ADGB: variants seen among roughly 807,000 people sequenced by gnomAD.
The protein encoded by ADGB is calpain-7-like protein.
ADGB carries 172 observed loss-of-function variants against 210.5 expected under a neutral mutation model. The ratio of observed to expected loss-of-function variants is 0.82; its 90% CI spans 0.72 to 0.93. The LOEUF is 0.93. Among genes scored for constraint, ADGB ranks in the 40% least tolerant of loss-of-function variants. ADGB has a pLI of 0.00. For missense variants in ADGB, 2,025 were observed against 1,964.8 expected (o/e 1.03, Z -0.58); for synonymous variants, 658 against 662.7 (o/e 0.99, Z 0.11).
intron 17 of ADGB, among the ~76,000 whole-genome samples, chr6:146,723,737 T>C (rs2114574552): frequency 6.6e-6 from 1 of 152,278 alleles, no homozygotes; most frequent in Middle Eastern, 3.4e-3. Context: ...AACCCGTCTT[T>C]AAAAAATAAA....
intron 9 of ADGB, among the ~76,000 whole-genome samples, chr6:146,685,071 A>G (rs1776206463): frequency 1.3e-5 from 2 of 152,056 alleles, no homozygotes; most frequent in South Asian, 2.1e-4. Context: ...TTAATTAAAT[A>G]TAAAAAGAGG....
chr6:146,631,971 A>AC (rs1207726816), intron 1 of ADGB, among the ~76,000 whole-genome samples: 2 of 151,750 alleles, frequency 1.3e-5, no homozygotes, highest in African/African-American at 4.9e-5. Flanking sequence ...ATTAAAAAAA[A>AC]AAAAAAACAA....
In ADGB at chr6:146,807,560, GA is replaced by G. The variant is rs747359229; in HGVS notation, c.4818+5557del. On this transcript the variant is annotated intron_variant, in intron 35 of 35. Coordinates refer to ENST00000397944, the MANE Select transcript of ADGB (RefSeq NM_024694.4). The stretch of plus-strand genomic sequence containing the variant: ...AGATGACCCCAGCTCCTGACACACA[GA>G]AAAAAAAGAAAGGAAAGAAAAAGTA... 4.0e-5 allele frequency: 62 copies of G among 1,532,724 alleles called. 1 individual carries two copies. The African/African-American group carries it at 6.2e-4, about 15-fold the overall frequency. The allele number at this position is 1,532,724 out of a possible 1,614,324, so 94.9% of individuals were successfully genotyped here. A position where few individuals can be genotyped will look rare whatever the true frequency, so the allele number is the denominator to read the frequency against.
intron 33 of ADGB, among the ~76,000 whole-genome samples, chr6:146,790,488 C>T (rs1356034986): frequency 6.6e-6 from 1 of 152,154 alleles, no homozygotes; most frequent in African/African-American, 2.4e-5. Flanking sequence ...TCTTGTCCTC[C>T]AGGTTTGTCC....
At position 146,815,232 on chromosome 6, in the gene ADGB, A is replaced by G. The variant is rs1252429823; in HGVS notation, c.*15A>G. ...AGAAAAAGTAACCAGGGGATGTCCAATACTACCCTGCTTCTGGAGAGAAAA... is the reference window on the plus strand; with the variant it reads ...AGAAAAAGTAACCAGGGGATGTCCAGTACTACCCTGCTTCTGGAGAGAAAA... On this transcript the variant is annotated 3_prime_UTR_variant, in exon 36 of 36. Coordinates refer to ENST00000397944, the MANE Select transcript of ADGB (RefSeq NM_024694.4). 1.4e-6 allele frequency: 2 copies of G among 1,478,372 alleles called. No homozygotes were observed. The highest frequency in any genetic ancestry group is 2.9e-5 in the South Asian group (2 of 69,662). 91.6% of individuals were successfully genotyped at this position (1,478,372 alleles called of 1,614,324 possible).
At chr6:146,720,345 TTAAG>T (rs1254749354) in intron 16 of ADGB, among the ~76,000 whole-genome samples, 22 of 152,278 alleles carry the variant, frequency 1.4e-4, no homozygotes, top group African/African-American at 7.2e-5. Context: ...TCTAATTATA[TTAAG>T]TATTATTAAT....
chr6:146,653,292 C>A (rs929565446), intron 3 of ADGB, among the ~76,000 whole-genome samples: 3 of 152,020 alleles, frequency 2.0e-5, no homozygotes, highest in African/African-American at 7.2e-5. Flanking sequence ...AATGGAATAA[C>A]AGTGGAAATA....
chr6:146,767,352 A>G (rs1053838501), intron 28 of ADGB, among the ~76,000 whole-genome samples: 7 of 152,254 alleles, frequency 4.6e-5, no homozygotes, highest in Non-Finnish European at 8.8e-5. Context: ...CTTTAGAACT[A>G]AGAGATTTTG....
chr6:146,800,253 AG>A (rs1335249043), intron 33 of ADGB, among the ~76,000 whole-genome samples: 1 of 152,212 alleles, frequency 6.6e-6, no homozygotes, highest in Non-Finnish European at 1.5e-5. Context: ...TGAAAGTTGA[AG>A]AATTTTACCA....
At chr6:146,722,532 C>G (rs1776833487) in intron 17 of ADGB, among the ~76,000 whole-genome samples, 1 of 152,156 alleles carries the variant, frequency 6.6e-6, no homozygotes, top group South Asian at 2.1e-4. Flanking sequence ...ACTGGCTAGC[C>G]CTGCTTACAT....
At chr6:146,739,254 G>T (rs1429517827) in intron 23 of ADGB, among the ~76,000 whole-genome samples, 3 of 152,020 alleles carry the variant, frequency 2.0e-5, no homozygotes, top group Non-Finnish European at 4.4e-5. Flanking sequence ...TGATTTACAG[G>T]GGTGTCATGC....
chr6:146,654,677 C>G (rs1367962888), intron 4 of ADGB, among the ~76,000 whole-genome samples: 3 of 152,050 alleles, frequency 2.0e-5, no homozygotes, highest in African/African-American at 7.2e-5. Context: ...TTAAGGTATA[C>G]AATTTGATGG....
At chr6:146,638,970 C>T (rs1178989904) in intron 2 of ADGB, 1 of 151,240 alleles carries the variant, frequency 6.6e-6, no homozygotes, top group Non-Finnish European at 1.5e-5. Flanking sequence ...GTTGTGCAAG[C>T]CTCAAACTTT....
At chr6:146,768,988 A>G in intron 28 of ADGB, 32 bp from the exon 29 acceptor site, 4 of 1,216,306 alleles carry the variant, frequency 3.3e-6, no homozygotes, top group South Asian at 1.6e-5. Flanking sequence ...GTATGTTCTT[A>G]TCATTTTTAA....
At chr6:146,640,517 A>T (rs1359388848) in intron 2 of ADGB, among the ~76,000 whole-genome samples, 1 of 152,096 alleles carries the variant, frequency 6.6e-6, no homozygotes. Flanking sequence ...CCTCAACAAG[A>T]TACTTGCAAA....
At chr6:146,711,232 T>C (rs989999148) in intron 13 of ADGB, among the ~76,000 whole-genome samples, 1 of 152,356 alleles carries the variant, frequency 6.6e-6, no homozygotes, top group Admixed American at 6.5e-5. Context: ...ATTACTGCAC[T>C]TTTTCCTTTG....
intron 9 of ADGB, among the ~76,000 whole-genome samples, chr6:146,679,698 G>A (rs187132215): frequency 6.6e-6 from 1 of 152,190 alleles, no homozygotes; most frequent in East Asian, 1.9e-4. Flanking sequence ...CTCTCCTCTC[G>A]ATATCTATGA....
At position 146,670,224 on chromosome 6, in the gene ADGB, T is replaced by A. The variant is rs560988153; in HGVS notation, c.840-1996T>A. On this transcript the variant is annotated intron_variant, in intron 7 of 35. Transcript: ENST00000397944. ...TTTCTAAAGTATAAATCAGATCATA[T>A]CGTTTTCCTCGCTTAAAACCTTTCA... 3.9e-5 allele frequency among the ~76,000 whole-genome samples: 6 copies of A among 152,228 alleles called. No homozygotes were observed. In the South Asian group the frequency reaches 8.3e-4, roughly 21 times the overall value.
rs1775637367 is a variant in ADGB at position 146,647,525 on chromosome 6, TTTTCTGA to T, written c.330+2665_330+2671del. Among the ~76,000 whole-genome samples the T allele has an allele frequency of 3.3e-5, 5 of 151,958 alleles. No individual in the cohort carries two copies. The South Asian group carries it at 1.0e-3, about 32-fold the overall frequency. ...TAATTTTTAGTAACTACATGAGAGG[TTTTCTGA>T]TTTCATTGAAAAATTTAGACATATT... is the stretch of plus-strand genomic sequence containing the variant. On this transcript the variant is annotated intron_variant, in intron 3 of 35. Transcript: ENST00000397944.
Sources: gnomAD v4.1 joint callset for allele counts (sites outside exome capture counted in the v4.1 genomes callset) on GRCh38, gnomAD v4.1.1 for gene constraint, MANE v1.5 for transcripts, NCBI Gene and HGNC (gene_info 2026-07-23, HGNC 2026-07-21) for gene names.